Variants in PPP1R12A observed in about 807,000 individuals in gnomAD.
PPP1R12A encodes the protein protein phosphatase 1 regulatory subunit 12A.
In PPP1R12A, 19 loss-of-function variants were observed where a neutral mutation model predicts 139.6. The ratio of observed to expected loss-of-function variants is 0.14; its 90% confidence interval spans 0.09 to 0.20. PPP1R12A has a LOEUF of 0.20. PPP1R12A is among the 10% of genes least tolerant of loss of function. The pLI, the probability that PPP1R12A is intolerant of heterozygous loss-of-function variation, is 1.00. For missense variants in PPP1R12A, 925 were observed against 1,211.5 expected, an observed-to-expected ratio of 0.76 and a Z score of 3.51; for synonymous variants, 427 against 420.6, an observed-to-expected ratio of 1.02 and a Z score of -0.19.
In PPP1R12A at chr12:79,806,266, T is replaced by C. The variant is rs898836072; in HGVS notation, c.1723A>G (p.Thr575Ala). ...TGAAGCCCAGCTGCAGAGGTAACTG[T>C]TGGTGTTGATGTGGTGCTTGGAACA... ...SSVPSTTSTP[T>A]VTSAAGLQKS... The change falls in exon 13 of 25, where the codon ACA (threonine) becomes GCA (alanine). Residue 575 changes from threonine (T) to alanine (A), a missense_variant. Physicochemically the swap from Thr to Ala is moderately conservative, Grantham distance 58 (BLOSUM62 0). Coordinates refer to ENST00000450142, the MANE Select transcript of PPP1R12A (RefSeq NM_002480.3). The C allele has an allele frequency of 1.2e-6, 2 of 1,613,956 alleles. No individual in the cohort carries two copies. Among genetic ancestry groups the C allele is most frequent in the Non-Finnish European group, 1.7e-6 (2 of 1,179,816 alleles).
chr12:79,868,933 A>G (rs1440353494), intron 2 of PPP1R12A, among the ~76,000 whole-genome samples: 2 of 152,238 alleles, frequency 1.3e-5, no homozygotes, highest in Non-Finnish European at 2.9e-5. Flanking sequence ...TTTTTAAAAC[A>G]TGTTAATCAA....
At chr12:79,804,132 A>G (rs758875842) in intron 14 of PPP1R12A, among the ~76,000 whole-genome samples, 13 of 152,108 alleles carry the variant, frequency 8.5e-5, no homozygotes, top group Non-Finnish European at 1.5e-4. Flanking sequence ...CAGAGTAAGG[A>G]GTAAGAAACC....
intron 1 of PPP1R12A, among the ~76,000 whole-genome samples, chr12:79,875,630 T>C (rs922354818): frequency 2.6e-5 from 4 of 152,244 alleles, no homozygotes; most frequent in Admixed American, 2.0e-4. Context: ...CACACTGTCA[T>C]CTTTGGTTTA....
In PPP1R12A at chr12:79,925,473, G is replaced by A. The variant is rs539474569; in HGVS notation, c.237+9222C>T. Among the ~76,000 whole-genome samples, 5 of 152,288 alleles carry A rather than the reference G, an allele frequency of 3.3e-5. No individual in the cohort carries two copies. The South Asian group carries it at 1.0e-3, about 32-fold the overall frequency. On this transcript the variant is annotated intron_variant, in intron 1 of 24. Coordinates refer to ENST00000450142, the MANE Select transcript of PPP1R12A (RefSeq NM_002480.3). ...AAAATAGTAATTTCAGCTCAAATGTGAGTTAAATCATCAAGTTAAAGTAAA... is the reference window on the plus strand; with the variant it reads ...AAAATAGTAATTTCAGCTCAAATGTAAGTTAAATCATCAAGTTAAAGTAAA...
At chr12:79,832,536 T>G (rs769010683) in intron 3 of PPP1R12A, 45 bp from the exon 4 acceptor site, 1 of 1,528,630 alleles carries the variant, frequency 6.5e-7, no homozygotes, top group Non-Finnish European at 8.8e-7. Context: ...TTAAAAATTG[T>G]TCCATGTTGG....
chr12:79,783,807 A>C (rs1439218679), intron 22 of PPP1R12A, among the ~76,000 whole-genome samples: 8 of 152,246 alleles, frequency 5.3e-5, no homozygotes, highest in Non-Finnish European at 1.0e-4. Flanking sequence ...AAACATTAAC[A>C]TCAGTTTAGA....
chr12:79,788,158 A>G (rs1412410834), intron 21 of PPP1R12A: 1 of 152,440 alleles, frequency 6.6e-6, no homozygotes, highest in Non-Finnish European at 1.5e-5. Context: ...CAAATGCCAT[A>G]AGCTTTCTCC....
chr12:79,927,359 A>G lies in PPP1R12A; in HGVS notation c.237+7336T>C, dbSNP rs571445985. ...TATTCTGCACATAATGGTAAGTCAA[A>G]AATAATCTTGGCACTTCCTAAAATT... is the stretch of plus-strand genomic sequence containing the variant. On this transcript the variant is annotated intron_variant, in intron 1 of 24. Coordinates refer to ENST00000450142, the MANE Select transcript of PPP1R12A (RefSeq NM_002480.3). Among the ~76,000 whole-genome samples the G allele has an allele frequency of 3.3e-5, 5 of 152,316 alleles. No homozygotes were observed. In the South Asian group the frequency reaches 8.3e-4, roughly 25 times the overall value.
intron 1 of PPP1R12A, among the ~76,000 whole-genome samples, chr12:79,912,088 T>C (rs1886617287): frequency 6.6e-6 from 1 of 152,128 alleles, no homozygotes; most frequent in Admixed American, 6.6e-5. Context: ...CCAAAGGGCT[T>C]TGCTCTGACC....
chr12:79,852,069 C>G (rs1461782356), intron 2 of PPP1R12A, among the ~76,000 whole-genome samples: 1 of 152,040 alleles, frequency 6.6e-6, no homozygotes. Context: ...AGATAGCTGG[C>G]TTTATAATCT....
intron 24 of PPP1R12A, among the ~76,000 whole-genome samples, 177 bp from the exon 25 acceptor site, chr12:79,776,192 G>A (rs1043054741): frequency 1.3e-5 from 2 of 152,004 alleles, no homozygotes; most frequent in Non-Finnish European, 2.9e-5. Flanking sequence ...ACCTGGATTT[G>A]TAAAGCTAAT....
At position 79,898,024 on chromosome 12, in the gene PPP1R12A, C is replaced by G. The variant is rs76350640; in HGVS notation, c.238-25086G>C. 2.5e-3 allele frequency among the ~76,000 whole-genome samples: 374 copies of G among 152,310 alleles called. 9 individuals are homozygous for G. The East Asian group carries it at 0.054, about 22-fold the overall frequency. On this transcript the variant is annotated intron_variant, in intron 1 of 24. Coordinates refer to ENST00000450142, the MANE Select transcript of PPP1R12A (RefSeq NM_002480.3). ...CACTAAACTCAGTGTAATACTCTAC[C>G]AGCAGATATTTTTTAAATGTCTACT...
intron 2 of PPP1R12A, among the ~76,000 whole-genome samples, chr12:79,859,350 G>GAAAAAA (rs1881048664): frequency 2.7e-5 from 1 of 36,888 alleles, no homozygotes; most frequent in Admixed American, 2.9e-4. Flanking sequence ...AAAAAAAAAA[G>GAAAAAA]AAAGAAAAAA....
At chr12:79,923,180 G>A (rs1296537359) in intron 1 of PPP1R12A, among the ~76,000 whole-genome samples, 11 of 152,082 alleles carry the variant, frequency 7.2e-5, no homozygotes, top group African/African-American at 2.7e-4. Context: ...AGGCTGAGAT[G>A]GGACAATCGC....
intron 9 of PPP1R12A, among the ~76,000 whole-genome samples, chr12:79,816,138 G>T (rs771765471): frequency 6.6e-6 from 1 of 151,990 alleles, no homozygotes; most frequent in East Asian, 1.9e-4. Context: ...AATGTCAAAC[G>T]AGCAACAAAA....
chr12:79,874,068 G>A (rs958669272), intron 1 of PPP1R12A, among the ~76,000 whole-genome samples: 3 of 152,134 alleles, frequency 2.0e-5, no homozygotes, highest in East Asian at 1.9e-4. Flanking sequence ...CTGAGGTCAG[G>A]AGTTCGAGAC....
intron 2 of PPP1R12A, among the ~76,000 whole-genome samples, chr12:79,864,598 G>C (rs1352072499): frequency 6.6e-6 from 1 of 151,988 alleles, no homozygotes; most frequent in Non-Finnish European, 1.5e-5. Flanking sequence ...CTAATAAAGA[G>C]AGAAGAATCC....
At chr12:79,813,958 A>T (rs1436381147) in intron 9 of PPP1R12A, among the ~76,000 whole-genome samples, 1 of 152,206 alleles carries the variant, frequency 6.6e-6, no homozygotes, top group African/African-American at 2.4e-5. Flanking sequence ...TTATCTAAAT[A>T]TTAGAAGTGG....
intron 2 of PPP1R12A, among the ~76,000 whole-genome samples, chr12:79,846,664 C>T (rs1879445914): frequency 6.7e-6 from 1 of 150,330 alleles, no homozygotes; most frequent in Non-Finnish European, 1.5e-5. Context: ...CTCCTGACCT[C>T]GTGATCCGCC....
Sources: gnomAD v4.1 joint callset for allele counts (sites outside exome capture counted in the v4.1 genomes callset) on GRCh38, gnomAD v4.1.1 for gene constraint, MANE v1.5 for transcripts, NCBI Gene and HGNC (gene_info 2026-07-23, HGNC 2026-07-21) for gene names.